GRK5: variants seen among roughly 807,000 people sequenced by gnomAD.
GRK5 encodes the protein g protein-coupled receptor kinase GRK5.
In GRK5, 40 loss-of-function variants were observed where a neutral mutation model predicts 78.4. That is an observed-to-expected ratio of 0.51 (90% CI 0.40 to 0.66). The LOEUF is 0.66. GRK5 is among the 30% of genes least tolerant of loss of function. The pLI is 0.00. For missense variants in GRK5, 598 were observed against 759.9 expected, an observed-to-expected ratio of 0.79 and a Z score of 2.50; for synonymous variants, 289 against 296.8, an observed-to-expected ratio of 0.97 and a Z score of 0.27.
intron 10 of GRK5, 127 bp downstream of exon 10, chr10:119,439,895 G>A: frequency 1.3e-6 from 1 of 782,074 alleles, no homozygotes; most frequent in Non-Finnish European, 2.2e-6. Context: ...GCTCAGTGCT[G>A]GGTACCTGGG....
At chr10:119,263,362 T>C (rs980224525) in intron 1 of GRK5, among the ~76,000 whole-genome samples, 3 of 151,578 alleles carry the variant, frequency 2.0e-5, no homozygotes, top group Admixed American at 6.6e-5. Flanking sequence ...GGAAAAAAAA[T>C]TTTTTTTTCA....
intron 1 of GRK5, among the ~76,000 whole-genome samples, chr10:119,214,282 A>G (rs1848534586): frequency 6.6e-6 from 1 of 151,982 alleles, no homozygotes. Context: ...GTCTCTTTTG[A>G]TGTTTTTTAA....
Position 119,433,857 on chromosome 10 carries a change from C to A in GRK5, c.738+2330C>A, listed in dbSNP as rs1852868915. On this transcript the variant is annotated intron_variant, in intron 8 of 15. Transcript: ENST00000392870. ...TCTTGGTGGCCCTTTGCCAAGTGGA[C>A]CAGTGTATTAGTCCATTTTCACACT... 4.6e-5 allele frequency among the ~76,000 whole-genome samples: 7 copies of A among 152,300 alleles called. No homozygotes were observed. In the South Asian group the frequency reaches 1.5e-3, roughly 32 times the overall value.
intron 1 of GRK5, among the ~76,000 whole-genome samples, chr10:119,313,776 G>A (rs1246754575): frequency 6.6e-6 from 1 of 152,132 alleles, no homozygotes; most frequent in African/African-American, 2.4e-5. Flanking sequence ...CCCATGTGCT[G>A]GGAGGGGCCC....
chr10:119,297,735 G>C (rs559552469), intron 1 of GRK5, among the ~76,000 whole-genome samples: 2 of 152,164 alleles, frequency 1.3e-5, no homozygotes, highest in Non-Finnish European at 2.9e-5. Context: ...GATGTAGCGC[G>C]AAGGCCCTTG....
rs116059103 is a variant in GRK5 at position 119,443,569 on chromosome 10, G to T, written c.1083G>T (p.Arg361Ser). The part of the protein sequence containing the change: ...YMAPEVLNNQ[R>S]YGLSPDYWGL... The stretch of plus-strand genomic sequence containing the variant: ...CTCCAGAGGTCCTGAACAACCAGAG[G>T]TACGGCCTGAGCCCCGACTACTGGG... The change falls in exon 12 of 16, where the codon AGG becomes AGT. Residue 361 changes from arginine (R) to serine (S), a missense_variant. Transcript: ENST00000392870. 1.2e-4 allele frequency: 195 copies of T among 1,611,300 alleles called. No homozygotes were observed. The highest frequency in any genetic ancestry group is 1.6e-4 in the Non-Finnish European group (190 of 1,177,772).
chr10:119,423,315 G>GCGGCATCCCATCTCT, intron 5 of GRK5, 49 bp downstream of exon 5: 5 of 1,319,990 alleles, frequency 3.8e-6, no homozygotes, highest in Non-Finnish European at 5.5e-6. Flanking sequence ...GCCCAGAGAT[G>GCGGCATCCCATCTCT]GGATGCCGCA....
Position 119,324,011 on chromosome 10 carries a change from C to T in GRK5, c.53-2505C>T, listed in dbSNP as rs753003648. ...CCTAAGGGTCACACTGGTGACCCTGCGGGCCTCCGGTCTGGCTTGCAGCTT... is the reference window on the plus strand; with the variant it reads ...CCTAAGGGTCACACTGGTGACCCTGTGGGCCTCCGGTCTGGCTTGCAGCTT... On this transcript the variant is annotated intron_variant, in intron 1 of 15. Coordinates refer to ENST00000392870, the MANE Select transcript of GRK5 (RefSeq NM_005308.3). 3.3e-5 allele frequency among the ~76,000 whole-genome samples: 5 copies of T among 152,294 alleles called. No individual in the cohort carries two copies. The South Asian group carries it at 8.3e-4, about 25-fold the overall frequency.
chr10:119,352,849 A>C (rs1851207272), intron 2 of GRK5, among the ~76,000 whole-genome samples: 1 of 152,228 alleles, frequency 6.6e-6, no homozygotes, highest in African/African-American at 2.4e-5. Flanking sequence ...TAAGCTCAGC[A>C]GAGCCCCGTA....
intron 2 of GRK5, among the ~76,000 whole-genome samples, chr10:119,340,694 G>T (rs1850967717): frequency 1.3e-5 from 2 of 152,168 alleles, no homozygotes; most frequent in African/African-American, 4.8e-5. Context: ...CCTTGGACTG[G>T]GAGGCAGAAG....
intron 3 of GRK5, among the ~76,000 whole-genome samples, chr10:119,395,593 T>G (rs997841122): frequency 3.3e-5 from 5 of 152,196 alleles, no homozygotes; most frequent in African/African-American, 1.2e-4. Context: ...TTAGCTCTTT[T>G]GTCTAAATGA....
chr10:119,436,620 C>T (rs759956018), intron 8 of GRK5, 31 bp from the exon 9 acceptor site: 2 of 1,608,966 alleles, frequency 1.2e-6, no homozygotes, highest in Non-Finnish European at 1.7e-6. Flanking sequence ...ATTGTCACAA[C>T]CTCCCCATGG....
rs1851661122 is a variant in GRK5 at position 119,378,553 on chromosome 10, G to A, written c.149-2262G>A. Among the ~76,000 whole-genome samples, 2 of 152,250 alleles carry A rather than the reference G, an allele frequency of 1.3e-5. No individual in the cohort carries two copies. The highest frequency in any genetic ancestry group is 6.5e-5 in the Admixed American group (1 of 15,290). On this transcript the variant is annotated intron_variant, in intron 2 of 15. Coordinates refer to ENST00000392870, the MANE Select transcript of GRK5 (RefSeq NM_005308.3). The surrounding 1 kb of genome is among the most constrained non-coding windows in gnomAD (Gnocchi z 4.5). ...AGGGGGCCTGGCCGCGGCTCTTTCCGTTCCAGGAGGCAGACAGCGGAGTGC... is the reference window on the plus strand; with the variant it reads ...AGGGGGCCTGGCCGCGGCTCTTTCCATTCCAGGAGGCAGACAGCGGAGTGC...
intron 1 of GRK5, among the ~76,000 whole-genome samples, chr10:119,248,630 G>A (rs1272409124): frequency 6.6e-6 from 1 of 151,950 alleles, no homozygotes. Context: ...GCAAGCTATA[G>A]CCTCCATGGC....
rs61874484 is a variant in GRK5, at chr10:119,275,613, G to A, written c.53-50903G>A. ...CTCTCTCTCTCTCTCTCTCTCTCTC[G>A]CACACACACACACACACACACACAC... On this transcript the variant is annotated intron_variant, in intron 1 of 15. Coordinates refer to ENST00000392870, the MANE Select transcript of GRK5 (RefSeq NM_005308.3). Among the ~76,000 whole-genome samples the A allele has an allele frequency of 2.4e-3, 289 of 120,744 alleles. 1 individual carries two copies. Among genetic ancestry groups the A allele is most frequent in the Middle Eastern group, 0.014 (3 of 220 alleles). 79.2% of individuals were successfully genotyped at this position (120,744 alleles called of 152,430 possible).
At chr10:119,215,219 A>C (rs1848552156) in intron 1 of GRK5, among the ~76,000 whole-genome samples, 1 of 152,156 alleles carries the variant, frequency 6.6e-6, no homozygotes, top group South Asian at 2.1e-4. Context: ...TGCAAACCAC[A>C]TGTCTAGTGC....
At chr10:119,311,527 C>G (rs1181596968) in intron 1 of GRK5, among the ~76,000 whole-genome samples, 1 of 152,172 alleles carries the variant, frequency 6.6e-6, no homozygotes, top group African/African-American at 2.4e-5. Context: ...TGACTTACAC[C>G]TGTAATCCCA....
intron 1 of GRK5, among the ~76,000 whole-genome samples, chr10:119,249,122 T>G (rs1173582713): frequency 6.6e-6 from 1 of 151,998 alleles, no homozygotes; most frequent in Non-Finnish European, 1.5e-5. Context: ...TACAAAAAAA[T>G]TAGCCGGGCA....
chr10:119,417,688 G>A (rs115519549), intron 4 of GRK5, among the ~76,000 whole-genome samples: 2,644 of 152,200 alleles, frequency 0.017, 78 homozygotes, highest in African/African-American at 0.06. Flanking sequence ...TGAGAGAGGC[G>A]ACCTACGCGG....
Sources: gnomAD v4.1 joint callset for allele counts (sites outside exome capture counted in the v4.1 genomes callset) on GRCh38, gnomAD v4.1.1 for gene constraint, Gnocchi (gnomAD v3.1) non-coding constraint, MANE v1.5 for transcripts, NCBI Gene and HGNC (gene_info 2026-07-23, HGNC 2026-07-21) for gene names.